CNOT6L: variants seen among roughly 807,000 people sequenced by gnomAD.
CNOT6L encodes the protein CCR4-NOT transcription complex subunit 6-like.
Under a neutral mutation model 64.0 loss-of-function variants are expected in CNOT6L, and 7 were observed. The ratio of observed to expected loss-of-function variants is 0.11; its 90% CI spans 0.06 to 0.21. The LOEUF (loss-of-function observed/expected upper bound fraction) is 0.21, where lower values mean the gene tolerates loss of function less well. Among genes scored for constraint, CNOT6L ranks in the 10% least tolerant of loss-of-function variants. CNOT6L has a pLI of 1.00. For synonymous variants in CNOT6L, 193 were observed against 243.4 expected (o/e 0.79, Z 1.93); for missense variants, 245 against 669.0 (o/e 0.37, Z 6.99).
intron 1 of CNOT6L, among the ~76,000 whole-genome samples, chr4:77,818,072 G>A (rs887128377): frequency 2.0e-5 from 3 of 152,194 alleles, no homozygotes; most frequent in Non-Finnish European, 4.4e-5. Flanking sequence ...GTAGACAACA[G>A]AGGTTGCTTG....
At chr4:77,794,409 T>C (rs547845298) in intron 1 of CNOT6L, among the ~76,000 whole-genome samples, 1 of 151,402 alleles carries the variant, frequency 6.6e-6, no homozygotes, top group South Asian at 2.1e-4. Context: ...TCCAGCAATA[T>C]AAAAAAAAGA....
At chr4:77,736,912 T>C (rs1723011026) in intron 8 of CNOT6L, among the ~76,000 whole-genome samples, 1 of 152,154 alleles carries the variant, frequency 6.6e-6, no homozygotes, top group Non-Finnish European at 1.5e-5. Context: ...TTATATGATT[T>C]GAGAATTATT....
intron 1 of CNOT6L, among the ~76,000 whole-genome samples, chr4:77,782,873 C>T (rs1577980063): frequency 6.6e-6 from 1 of 152,032 alleles, no homozygotes; most frequent in East Asian, 1.9e-4. Context: ...GCTGATACTA[C>T]AAAAACTGCC....
At chr4:77,800,399 C>T (rs530607479) in intron 1 of CNOT6L, among the ~76,000 whole-genome samples, 1 of 151,910 alleles carries the variant, frequency 6.6e-6, no homozygotes, top group African/African-American at 2.4e-5. Flanking sequence ...TGAGTGAGCA[C>T]CAGCTTCTTG....
chr4:77,805,325 A>G (rs903385850), intron 1 of CNOT6L, among the ~76,000 whole-genome samples: 2 of 152,214 alleles, frequency 1.3e-5, no homozygotes, highest in Non-Finnish European at 1.5e-5. Flanking sequence ...AAAGTACATT[A>G]CTATGACAAA....
intron 4 of CNOT6L, among the ~76,000 whole-genome samples, chr4:77,768,102 T>C (rs1224521075): frequency 1.3e-5 from 2 of 152,076 alleles, no homozygotes; most frequent in African/African-American, 4.8e-5. Context: ...AGGGCAAGAT[T>C]TCTGTTATTA....
At chr4:77,747,878 A>C (rs758581323) in intron 6 of CNOT6L, among the ~76,000 whole-genome samples, 4 of 152,190 alleles carry the variant, frequency 2.6e-5, no homozygotes, top group Non-Finnish European at 4.4e-5. Context: ...AATGTTATCT[A>C]TCTCTCAAGA....
rs532956278 is a variant in CNOT6L, at chr4:77,797,308, A to G, written c.6-20916T>C. Among the ~76,000 whole-genome samples, 12 of 152,182 alleles carry G rather than the reference A, an allele frequency of 7.9e-5. 1 individual carries two copies. In the South Asian group the frequency reaches 2.5e-3, roughly 32 times the overall value. On this transcript the variant is annotated intron_variant, in intron 1 of 11. Coordinates refer to ENST00000504123, the MANE Select transcript of CNOT6L (RefSeq NM_144571.3). ...AGTTTCACTGCAGTTTGTAACCTGT[A>G]GCCAACAGGGTCAAAAGATATTAAA...
chr4:77,737,560 A>C (rs1424932656), intron 8 of CNOT6L, among the ~76,000 whole-genome samples: 1 of 151,430 alleles, frequency 6.6e-6, no homozygotes, highest in East Asian at 1.9e-4. Context: ...AGCTGGGATT[A>C]CAGGCGCCCA....
At chr4:77,759,458 G>A (rs1228132400) in intron 4 of CNOT6L, among the ~76,000 whole-genome samples, 8 of 151,926 alleles carry the variant, frequency 5.3e-5, no homozygotes, top group Non-Finnish European at 1.2e-4. Flanking sequence ...CCAGCTACTT[G>A]GGAAGCTGAG....
At chr4:77,759,046 G>C (rs1725874896) in intron 4 of CNOT6L, among the ~76,000 whole-genome samples, 1 of 151,772 alleles carries the variant, frequency 6.6e-6, no homozygotes, top group Non-Finnish European at 1.5e-5. Context: ...AACACCTACA[G>C]CAAACAGTAA....
chr4:77,800,121 T>C (rs2110139294), intron 1 of CNOT6L, among the ~76,000 whole-genome samples: 1 of 152,248 alleles, frequency 6.6e-6, no homozygotes, highest in Middle Eastern at 3.4e-3. Flanking sequence ...CTGAACTTGA[T>C]AGTATCAAAA....
chr4:77,811,269 G>A (rs549265067), intron 1 of CNOT6L, among the ~76,000 whole-genome samples: 1 of 152,270 alleles, frequency 6.6e-6, no homozygotes, highest in Non-Finnish European at 1.5e-5. Flanking sequence ...TCAAGAAAGG[G>A]TCGGGCGCGG....
chr4:77,751,089 T>C (rs1360641626), intron 5 of CNOT6L, among the ~76,000 whole-genome samples: 1 of 152,202 alleles, frequency 6.6e-6, no homozygotes, highest in Non-Finnish European at 1.5e-5. Context: ...GAATCAGATG[T>C]TGAAATATCT....
At chr4:77,768,827 A>G (rs970328396) in intron 4 of CNOT6L, among the ~76,000 whole-genome samples, 1 of 152,154 alleles carries the variant, frequency 6.6e-6, no homozygotes, top group African/African-American at 2.4e-5. Flanking sequence ...ACTGAAAATG[A>G]AAACTGTATT....
chr4:77,764,646 A>G (rs1726604625), intron 4 of CNOT6L, among the ~76,000 whole-genome samples: 1 of 152,150 alleles, frequency 6.6e-6, no homozygotes, highest in South Asian at 2.1e-4. Flanking sequence ...AAGACCCCTG[A>G]CCCAAAGGAA....
At chr4:77,786,590 T>A (rs1312930083) in intron 1 of CNOT6L, among the ~76,000 whole-genome samples, 1 of 152,076 alleles carries the variant, frequency 6.6e-6, no homozygotes, top group Non-Finnish European at 1.5e-5. Flanking sequence ...TTCTCCCACT[T>A]TAGCCTCCCA....
intron 4 of CNOT6L, among the ~76,000 whole-genome samples, chr4:77,765,230 G>A (rs543040432): frequency 1.3e-5 from 2 of 152,246 alleles, no homozygotes; most frequent in Admixed American, 1.3e-4. Context: ...AAAAGGGGAG[G>A]CATGAAAAAA....
chr4:77,745,111 A>G (rs1268872863), intron 6 of CNOT6L, among the ~76,000 whole-genome samples: 2 of 152,234 alleles, frequency 1.3e-5, no homozygotes, highest in African/African-American at 2.4e-5. Flanking sequence ...GAGAGTTTTA[A>G]GGAAATTTAT....
Sources: allele counts gnomAD v4.1 joint callset (sites outside exome capture counted in the v4.1 genomes callset), GRCh38; gene constraint gnomAD v4.1.1; transcripts MANE v1.5; gene names NCBI Gene and HGNC (gene_info 2026-07-23, HGNC 2026-07-21).